The following UBN2 variants were observed in gnomAD, a reference collection of about 807,000 sequenced individuals.
The protein encoded by UBN2 is ubinuclein-2.
In UBN2, 35 loss-of-function variants were observed where a neutral mutation model predicts 120.2. The observed-to-expected ratio is 0.29, with a 90% CI of 0.22 to 0.39. UBN2 has a LOEUF of 0.39. UBN2 is among the 10% of genes least tolerant of loss of function. The pLI, the probability that UBN2 is intolerant of heterozygous loss-of-function variation, is 1.00. For missense variants in UBN2, 1,693 were observed against 1,663.2 expected (o/e 1.02, Z -0.31); for synonymous variants, 661 against 648.7 (o/e 1.02, Z -0.29).
Position 139,305,779 on chromosome 7 carries a change from A to G in UBN2, c.*7943A>G, listed in dbSNP as rs1320332103. ...TTTTTTCCTCTTCTCCTTTGTATTA[A>G]AAAATAGATTTTGCTACTGTATAAT... On this transcript the variant is annotated 3_prime_UTR_variant, in exon 18 of 18. Transcript: ENST00000473989. The G allele has an allele frequency of 6.6e-6, 1 of 152,136 alleles. No individual in the cohort carries two copies. The highest frequency in any genetic ancestry group is 2.4e-5 in the African/African-American group (1 of 41,432). 9.4% of individuals were successfully genotyped at this position (152,136 alleles called of 1,614,324 possible).
intron 17 of UBN2, among the ~76,000 whole-genome samples, chr7:139,295,088 C>CTTTTT (rs1175195798): frequency 7.3e-6 from 1 of 137,568 alleles, no homozygotes. Flanking sequence ...CTAGGCCTCA[C>CTTTTT]TTTTTTTTTT....
intron 6 of UBN2, among the ~76,000 whole-genome samples, chr7:139,265,151 G>A (rs924430909): frequency 2.0e-5 from 3 of 152,030 alleles, no homozygotes; most frequent in African/African-American, 4.8e-5. Context: ...ATCTTGATGG[G>A]AATTGATTTT....
chr7:139,255,166 C>G (rs1016382937), intron 3 of UBN2, among the ~76,000 whole-genome samples: 2 of 152,190 alleles, frequency 1.3e-5, no homozygotes, highest in Non-Finnish European at 2.9e-5. Context: ...AGAGTTCTAC[C>G]TTTTCCAGAA....
chr7:139,316,488 C>T, the UBN2 span, among the ~76,000 whole-genome samples: 2 of 152,322 alleles, frequency 1.3e-5, no homozygotes, highest in South Asian at 2.1e-4. Context: ...AATTTCATGG[C>T]CGTGCACGGT....
chr7:139,320,665 C>T, the UBN2 span, among the ~76,000 whole-genome samples: 2 of 151,956 alleles, frequency 1.3e-5, no homozygotes, highest in Non-Finnish European at 2.9e-5. Context: ...CAAGACCAGC[C>T]TTGCCAACAT....
intron 2 of UBN2, among the ~76,000 whole-genome samples, chr7:139,246,448 G>T (rs1796472260): frequency 6.6e-6 from 1 of 152,176 alleles, no homozygotes; most frequent in African/African-American, 2.4e-5. Flanking sequence ...TTCTAGTATT[G>T]ACAGTTAGAA....
intron 7 of UBN2, among the ~76,000 whole-genome samples, chr7:139,267,139 G>A (rs561277160): frequency 5.3e-5 from 8 of 152,232 alleles, no homozygotes; most frequent in African/African-American, 1.7e-4. Flanking sequence ...GCAGAACTGG[G>A]CAAAAAAGTA....
the UBN2 span, among the ~76,000 whole-genome samples, chr7:139,314,143 T>C: frequency 6.8e-6 from 1 of 147,550 alleles, no homozygotes; most frequent in Non-Finnish European, 1.5e-5. Flanking sequence ...TCACCGCACC[T>C]GGCCCAGAAA....
intron 15 of UBN2, among the ~76,000 whole-genome samples, chr7:139,292,634 TAAAA>T (rs1183913033): frequency 1.3e-5 from 2 of 152,026 alleles, no homozygotes; most frequent in Non-Finnish European, 2.9e-5. Flanking sequence ...AGTGTGGTTA[TAAAA>T]AAATAATAAG....
At chr7:139,324,302 G>A in the UBN2 span, among the ~76,000 whole-genome samples, 1 of 152,074 alleles carries the variant, frequency 6.6e-6, no homozygotes, top group Non-Finnish European at 1.5e-5. Context: ...GGGCGTGGTG[G>A]CTCACGCCTG....
chr7:139,278,267 C>A (rs1367764558), intron 12 of UBN2, among the ~76,000 whole-genome samples: 1 of 151,400 alleles, frequency 6.6e-6, no homozygotes, highest in Non-Finnish European at 1.5e-5. Context: ...CTGCAACGTC[C>A]ATCTCCCAGG....
chr7:139,283,928 C>T lies in UBN2; in HGVS notation c.3023C>T (p.Thr1008Ile). The change falls in exon 15 of 18, where the codon ACT becomes ATT. Residue 1008 changes from threonine to isoleucine, a missense_variant. Around this residue, in one of 5 missense-constraint regions of UBN2, gnomAD observed 837 missense variants for 817.6 expected, o/e 1.02. Transcript: ENST00000473989. ...PLVSRTVPSTTTSSNYLAKAM... is the reference protein window; with the variant it reads ...PLVSRTVPSTITSSNYLAKAM... ...GTTTCTAGGACAGTACCTAGCACCA[C>T]TACCTCCAGTAACTATTTAGCCAAG... 1 of 1,614,160 alleles carries T rather than the reference C, an allele frequency of 6.2e-7. No individual in the cohort carries two copies. The highest frequency in any genetic ancestry group is 2.2e-5 in the East Asian group (1 of 44,874).
At chr7:139,261,195 T>C (rs766801188) in intron 5 of UBN2, 57 bp from the exon 6 acceptor site, 20 of 1,520,018 alleles carry the variant, frequency 1.3e-5, no homozygotes, top group Non-Finnish European at 1.7e-5. Flanking sequence ...CTTATTTATG[T>C]GACACTTTAA....
intron 15 of UBN2, among the ~76,000 whole-genome samples, chr7:139,287,363 C>T (rs1452509297): frequency 1.3e-5 from 2 of 152,056 alleles, no homozygotes; most frequent in East Asian, 1.9e-4. Flanking sequence ...GGAGTTATTT[C>T]TGGAATTAAA....
At chr7:139,253,802 A>C (rs987169246) in intron 3 of UBN2, among the ~76,000 whole-genome samples, 1 of 152,234 alleles carries the variant, frequency 6.6e-6, no homozygotes, top group Non-Finnish European at 1.5e-5. Context: ...TATCCTCTGC[A>C]ATGTGCAGTA....
At chr7:139,287,804 A>G (rs923144072) in intron 15 of UBN2, among the ~76,000 whole-genome samples, 1 of 151,768 alleles carries the variant, frequency 6.6e-6, no homozygotes, top group Non-Finnish European at 1.5e-5. Context: ...CTTACCAGCT[A>G]TCTTGTGGCC....
chr7:139,327,621 C>G, the UBN2 span, among the ~76,000 whole-genome samples: 1 of 152,144 alleles, frequency 6.6e-6, no homozygotes, highest in Non-Finnish European at 1.5e-5. Context: ...CCCTCGTGAC[C>G]TAATCACCTA....
intron 2 of UBN2, among the ~76,000 whole-genome samples, chr7:139,249,937 G>T (rs140786397): frequency 4.6e-5 from 7 of 152,034 alleles, no homozygotes; most frequent in Non-Finnish European, 8.8e-5. Flanking sequence ...CTGGGCTCTC[G>T]CAATCCTCCT....
At chr7:139,315,749 C>T in the UBN2 span, among the ~76,000 whole-genome samples, 1 of 152,110 alleles carries the variant, frequency 6.6e-6, no homozygotes, top group South Asian at 2.1e-4. Flanking sequence ...TACATACCCA[C>T]CAGCAATGCA....
Sources: allele counts gnomAD v4.1 joint callset (sites outside exome capture counted in the v4.1 genomes callset), GRCh38; gene constraint gnomAD v4.1.1; regional missense constraint gnomAD v4.1.1; transcripts MANE v1.5; gene names NCBI Gene and HGNC (gene_info 2026-07-23, HGNC 2026-07-21).